Variants in PCDHGA12 observed in about 807,000 individuals in gnomAD.
The protein encoded by PCDHGA12 is protocadherin gamma subfamily A, 12, also known as protocadherin gamma-A12.
In PCDHGA12, 43 loss-of-function variants were observed where a neutral mutation model predicts 61.1. The observed-to-expected ratio is 0.70, with a 90% confidence interval of 0.55 to 0.91. PCDHGA12 has a LOEUF of 0.91. Among genes scored for constraint, PCDHGA12 ranks in the 40% least tolerant of loss-of-function variants. The pLI is 0.00. For synonymous variants in PCDHGA12, 520 were observed against 542.9 expected (o/e 0.96, Z 0.59); for missense variants, 1,236 against 1,227.7 (o/e 1.01, Z -0.10).
intron 1 of PCDHGA12, among the ~76,000 whole-genome samples, chr5:141,468,952 G>GT (rs34870721): frequency 0.24 from 35,946 of 151,248 alleles, 4,442 homozygotes; most frequent in Admixed American, 0.32. Flanking sequence ...TAAACCTGTG[G>GT]TTTTTTTTAC....
intron 1 of PCDHGA12, among the ~76,000 whole-genome samples, chr5:141,433,641 G>A (rs1177387884): frequency 6.6e-6 from 1 of 152,104 alleles, no homozygotes; most frequent in Non-Finnish European, 1.5e-5. Flanking sequence ...TTTGAGACCA[G>A]CCTGACCAAC....
chr5:141,451,576 C>G (rs997933491), intron 1 of PCDHGA12, among the ~76,000 whole-genome samples: 10 of 152,164 alleles, frequency 6.6e-5, no homozygotes, highest in Middle Eastern at 3.4e-3. Context: ...TTTTTATAAA[C>G]CTAATTTTGA....
intron 1 of PCDHGA12, among the ~76,000 whole-genome samples, chr5:141,473,907 C>T (rs552055360): frequency 2.0e-4 from 30 of 152,220 alleles, no homozygotes; most frequent in African/African-American, 7.2e-4. Context: ...ATGAAGAGGT[C>T]TTAAGAAAAC....
At chr5:141,453,042 A>G (rs2098754438) in intron 1 of PCDHGA12, among the ~76,000 whole-genome samples, 1 of 152,116 alleles carries the variant, frequency 6.6e-6, no homozygotes, top group Non-Finnish European at 1.5e-5. Context: ...GTTTGTTTCT[A>G]TTATGTGCAG....
intron 1 of PCDHGA12, among the ~76,000 whole-genome samples, chr5:141,443,780 A>G (rs1337883957): frequency 6.6e-6 from 1 of 152,202 alleles, no homozygotes; most frequent in Non-Finnish European, 1.5e-5. Flanking sequence ...TACCAAAAAG[A>G]CAAAAAAAAT....
chr5:141,465,043 T>C (rs1404714692), intron 1 of PCDHGA12, among the ~76,000 whole-genome samples: 2 of 152,030 alleles, frequency 1.3e-5, no homozygotes, highest in Non-Finnish European at 2.9e-5. Context: ...CAAATGACCC[T>C]ATATATTTTT....
In PCDHGA12 at chr5:141,485,233, C is replaced by T; in HGVS notation, c.2425-9574C>T. 1.2e-6 allele frequency: 2 copies of T among 1,614,182 alleles called. No individual in the cohort carries two copies. The highest frequency in any genetic ancestry group is 1.7e-6 in the Non-Finnish European group (2 of 1,180,030). ...GGCGGTGGGCTACCCTTTTGTTCCTCTTTTACCACCTGGGTTACGTTTGTG... is the reference window on the plus strand; with the variant it reads ...GGCGGTGGGCTACCCTTTTGTTCCTTTTTTACCACCTGGGTTACGTTTGTG... On this transcript the variant is annotated intron_variant, in intron 1 of 3. Transcript: ENST00000252085. This position sits in a 1 kb window ranked among gnomAD's most constrained non-coding sequence, Gnocchi z 5.7.
chr5:141,459,993 G>T (rs1320315247), intron 1 of PCDHGA12, among the ~76,000 whole-genome samples: 1 of 152,164 alleles, frequency 6.6e-6, no homozygotes, highest in African/African-American at 2.4e-5. Context: ...CAGGAGAATC[G>T]CTTGAACCCA....
intron 1 of PCDHGA12, among the ~76,000 whole-genome samples, chr5:141,442,612 A>C (rs1180568407): frequency 6.6e-6 from 1 of 152,212 alleles, no homozygotes; most frequent in Non-Finnish European, 1.5e-5. Flanking sequence ...ATCTCAGTAA[A>C]AAGCATTTCT....
intron 1 of PCDHGA12, chr5:141,478,565 T>C (rs772519746): frequency 1.6e-5 from 25 of 1,593,862 alleles, no homozygotes; most frequent in Non-Finnish European, 2.0e-5. Flanking sequence ...TAGCAAGTCA[T>C]GCTTGACCCT....
chr5:141,485,221 C>G lies in PCDHGA12; in HGVS notation c.2425-9586C>G. ...GGACAGAAATCTGGCGGTGGGCTACCCTTTTGTTCCTCTTTTACCACCTGG... is the reference window on the plus strand; with the variant it reads ...GGACAGAAATCTGGCGGTGGGCTACGCTTTTGTTCCTCTTTTACCACCTGG... On this transcript the variant is annotated intron_variant, in intron 1 of 3. Transcript: ENST00000252085. The surrounding 1 kb of genome is among the most constrained non-coding windows in gnomAD (Gnocchi z 5.7). The G allele has an allele frequency of 6.2e-7, 1 of 1,614,118 alleles. No individual in the cohort carries two copies. Among genetic ancestry groups the G allele is most frequent in the Non-Finnish European group, 8.5e-7 (1 of 1,180,010 alleles).
intron 2 of PCDHGA12, among the ~76,000 whole-genome samples, chr5:141,500,001 A>G (rs961582279): frequency 6.6e-5 from 10 of 151,914 alleles, no homozygotes; most frequent in African/African-American, 2.4e-4. Context: ...TGATTCTTTC[A>G]TAAGGTCCAC....
At position 141,431,416 on chromosome 5, in the gene PCDHGA12, C is replaced by T. The variant is rs778722151; in HGVS notation, c.657C>T (p.Asp219=). Reference sequence around the variant, plus strand: ...TCCTTACGGCCTCCGACGGGGGCGACCCGGTGCGCACAGGCACCGCGCGCA... The same window carrying T: ...TCCTTACGGCCTCCGACGGGGGCGATCCGGTGCGCACAGGCACCGCGCGCA... ...HLVLTASDGG[D]PVRTGTARIR... The change falls in exon 1 of 4, where the codon GAC becomes GAT. Residue 219 remains aspartate, a synonymous_variant. Transcript: ENST00000252085. This position sits in a 1 kb window ranked among gnomAD's most constrained non-coding sequence, Gnocchi z 4.8. 2.5e-6 allele frequency: 4 copies of T among 1,613,714 alleles called. No homozygotes were observed. Among genetic ancestry groups the T allele is most frequent in the Admixed American group, 1.7e-5 (1 of 60,028 alleles).
In PCDHGA12 at chr5:141,433,086, C is replaced by A. The variant is rs747501244; in HGVS notation, c.2327C>A (p.Ala776Glu). ...SHLIFPQPNY[A>E]DMLVSQESFE... Reference sequence around the variant, plus strand: ...CTGATCTTCCCCCAGCCCAACTATGCAGACATGCTCGTCAGCCAGGAGAGC... The same window carrying A: ...CTGATCTTCCCCCAGCCCAACTATGAAGACATGCTCGTCAGCCAGGAGAGC... The change falls in exon 1 of 4, where the codon GCA (alanine) becomes GAA (glutamate). Residue 776 changes from alanine (A) to glutamate (E), a missense_variant. Coordinates refer to ENST00000252085, the MANE Select transcript of PCDHGA12 (RefSeq NM_003735.3). 3 of 1,614,208 alleles carry A rather than the reference C, an allele frequency of 1.9e-6. No individual in the cohort carries two copies. Among genetic ancestry groups the A allele is most frequent in the African/African-American group, 2.7e-5 (2 of 75,056 alleles).
In PCDHGA12 at chr5:141,486,421, G is replaced by C; in HGVS notation, c.2425-8386G>C. 1 of 1,614,152 alleles carries C rather than the reference G, an allele frequency of 6.2e-7. No individual in the cohort carries two copies. Among genetic ancestry groups the C allele is most frequent in the African/African-American group, 1.3e-5 (1 of 75,028 alleles). On this transcript the variant is annotated intron_variant, in intron 1 of 3. Coordinates refer to ENST00000252085, the MANE Select transcript of PCDHGA12 (RefSeq NM_003735.3). This position sits in a 1 kb window ranked among gnomAD's most constrained non-coding sequence, Gnocchi z 5.0. Reference sequence around the variant, plus strand: ...TGACTGCTGGACCCTTGGATCGAGAGGCCAAATCTAGCTATGACATCATGG... The same window carrying C: ...TGACTGCTGGACCCTTGGATCGAGACGCCAAATCTAGCTATGACATCATGG...
chr5:141,478,139 G>C, intron 1 of PCDHGA12: 15 of 1,614,040 alleles, frequency 9.3e-6, no homozygotes, highest in Non-Finnish European at 1.3e-5. Context: ...TGAAGCCCGA[G>C]CCGAGTTCCC....
chr5:141,438,288 G>C (rs752722248), intron 1 of PCDHGA12, among the ~76,000 whole-genome samples: 18 of 151,902 alleles, frequency 1.2e-4, no homozygotes, highest in Non-Finnish European at 2.1e-4. Flanking sequence ...AATTTAATCT[G>C]TATGTAAAAG....
intron 2 of PCDHGA12, among the ~76,000 whole-genome samples, chr5:141,504,909 G>C (rs948719729): frequency 6.6e-6 from 1 of 152,002 alleles, no homozygotes; most frequent in Non-Finnish European, 1.5e-5. Context: ...ACTATGACAG[G>C]AAGCCAGGCT....
chr5:141,502,784 G>C (rs185608958), intron 2 of PCDHGA12, among the ~76,000 whole-genome samples: 1 of 151,804 alleles, frequency 6.6e-6, no homozygotes, highest in Non-Finnish European at 1.5e-5. Flanking sequence ...AAATTACCTG[G>C]ATGATTTCTT....
Sources: allele counts gnomAD v4.1 joint callset (sites outside exome capture counted in the v4.1 genomes callset), GRCh38; gene constraint gnomAD v4.1.1; non-coding constraint Gnocchi (gnomAD v3.1); transcripts MANE v1.5; gene names NCBI Gene and HGNC (gene_info 2026-07-23, HGNC 2026-07-21).